The following HDAC9 variants were observed in gnomAD, a reference collection of about 807,000 sequenced individuals.
HDAC9 encodes histone deacetylase 9.
HDAC9 carries 41 observed loss-of-function variants against 139.4 expected under a neutral mutation model. The observed-to-expected ratio is 0.29, with a 90% CI of 0.23 to 0.38. HDAC9 has a LOEUF of 0.38. HDAC9 is among the 10% of genes least tolerant of loss of function. The pLI, the probability that HDAC9 is intolerant of heterozygous loss-of-function variation, is 1.00. For synonymous variants in HDAC9, 517 were observed against 476.2 expected (o/e 1.09, Z -1.12); for missense variants, 1,147 against 1,297.0 (o/e 0.88, Z 1.78).
At chr7:18,173,127 G>T (rs1788581958) in intron 2 of HDAC9, among the ~76,000 whole-genome samples, 1 of 152,140 alleles carries the variant, frequency 6.6e-6, no homozygotes, top group Admixed American at 6.5e-5. Flanking sequence ...TTATGAATCT[G>T]GGTGCTCCTC....
intron 2 of HDAC9, among the ~76,000 whole-genome samples, chr7:18,550,467 C>G (rs763628184): frequency 6.6e-6 from 1 of 152,144 alleles, no homozygotes; most frequent in African/African-American, 2.4e-5. Flanking sequence ...AAAATTGCTG[C>G]TCTTCTAAAG....
chr7:18,188,549 G>A (rs1385083590), intron 2 of HDAC9, among the ~76,000 whole-genome samples: 1 of 152,144 alleles, frequency 6.6e-6, no homozygotes, highest in Non-Finnish European at 1.5e-5. Context: ...AACTATCAGA[G>A]TGAACAGGCA....
chr7:18,109,828 T>G (rs913639925), intron 1 of HDAC9, among the ~76,000 whole-genome samples: 2 of 152,204 alleles, frequency 1.3e-5, no homozygotes, highest in African/African-American at 4.8e-5. Context: ...TAAGAAACTT[T>G]GCTTAAAATA....
intron 14 of HDAC9, among the ~76,000 whole-genome samples, chr7:18,751,622 C>G (rs3910833): frequency 0.11 from 16,352 of 151,680 alleles, 1,455 homozygotes; most frequent in East Asian, 0.25. Flanking sequence ...ACTTCTAAAA[C>G]TGCTAAAAAT....
At chr7:18,883,501 A>G (rs959639829) in intron 22 of HDAC9, among the ~76,000 whole-genome samples, 1 of 152,150 alleles carries the variant, frequency 6.6e-6, no homozygotes, top group Non-Finnish European at 1.5e-5. Context: ...TTTTATAATA[A>G]AAACTCCCAA....
chr7:18,554,955 T>A (rs2128679774), intron 2 of HDAC9, among the ~76,000 whole-genome samples: 1 of 152,344 alleles, frequency 6.6e-6, no homozygotes, highest in Non-Finnish European at 1.5e-5. Context: ...ACTACATCTT[T>A]CTTACCTAGT....
chr7:18,668,829 G>A (rs1795474475), intron 12 of HDAC9: 2 of 982,204 alleles, frequency 2.0e-6, no homozygotes, highest in Non-Finnish European at 2.4e-6. Flanking sequence ...CTCAAATAAA[G>A]TTTTTTTTAA....
chr7:18,169,650 C>T (rs1459825403), intron 2 of HDAC9, among the ~76,000 whole-genome samples: 1 of 152,062 alleles, frequency 6.6e-6, no homozygotes, highest in Non-Finnish European at 1.5e-5. Flanking sequence ...GTGATGTTCC[C>T]CGCCCTATGT....
In HDAC9 at chr7:18,609,303, G is replaced by A. The variant is rs974413253; in HGVS notation, c.664+15274G>A. Among the ~76,000 whole-genome samples the A allele has an allele frequency of 2.0e-5, 3 of 152,254 alleles. No homozygotes were observed. In the East Asian group the frequency reaches 5.8e-4, roughly 29 times the overall value. On this transcript the variant is annotated intron_variant, in intron 6 of 25. Transcript: ENST00000686413. ...GAAATGTGGCTAGTATGACTTAGGA[G>A]CTAAATTTTTGTTAACTAATGTATT...
At chr7:18,816,048 C>A (rs1794539595) in intron 17 of HDAC9, among the ~76,000 whole-genome samples, 1 of 152,166 alleles carries the variant, frequency 6.6e-6, no homozygotes, top group Non-Finnish European at 1.5e-5. Flanking sequence ...TATGGTAAAC[C>A]ATAGCAATAC....
At chr7:18,401,892 C>T (rs989852766) in intron 1 of HDAC9, among the ~76,000 whole-genome samples, 3 of 152,166 alleles carry the variant, frequency 2.0e-5, no homozygotes, top group Admixed American at 6.5e-5. Flanking sequence ...AAACACAATT[C>T]GAATATAACT....
rs1397999080 is a variant in HDAC9 at position 18,468,527 on chromosome 7, C to G, written c.-41-27735C>G. 2.0e-5 allele frequency among the ~76,000 whole-genome samples: 3 copies of G among 151,866 alleles called. No homozygotes were observed. The East Asian group carries it at 5.8e-4, about 29-fold the overall frequency. ...AAGTGTGATCATAGTGTAATACAGC[C>G]TTGAACTCCTGGGCTCAAGTGAATC... is the stretch of plus-strand genomic sequence containing the variant. On this transcript the variant is annotated intron_variant, in intron 1 of 3. Transcript: ENST00000413509.
intron 1 of HDAC9, among the ~76,000 whole-genome samples, chr7:18,318,107 G>A (rs1384912712): frequency 1.3e-5 from 2 of 152,150 alleles, no homozygotes; most frequent in Non-Finnish European, 2.9e-5. Flanking sequence ...TCAGAGCCTG[G>A]TTCATCCCAG....
chr7:18,335,789 G>T (rs544186223), intron 1 of HDAC9, among the ~76,000 whole-genome samples: 49 of 151,610 alleles, frequency 3.2e-4, no homozygotes, highest in African/African-American at 1.1e-3. Flanking sequence ...ACCTTCACTG[G>T]CTGTCAGCAG....
intron 2 of HDAC9, among the ~76,000 whole-genome samples, chr7:18,205,786 C>G (rs952525507): frequency 6.6e-6 from 1 of 152,020 alleles, no homozygotes; most frequent in Non-Finnish European, 1.5e-5. Flanking sequence ...GTTAAACATA[C>G]GCATCTTATG....
chr7:18,644,351 C>G (rs1247027120), intron 8 of HDAC9, among the ~76,000 whole-genome samples: 1 of 151,998 alleles, frequency 6.6e-6, no homozygotes, highest in East Asian at 1.9e-4. Flanking sequence ...AGTAGACATA[C>G]TAATCAGAAT....
chr7:18,259,806 A>G (rs983598998), intron 2 of HDAC9, among the ~76,000 whole-genome samples: 6 of 152,214 alleles, frequency 3.9e-5, no homozygotes, highest in African/African-American at 1.4e-4. Flanking sequence ...TTTATTGGGT[A>G]ATAAAAGAGT....
At chr7:18,723,832 T>C (rs977210765) in intron 12 of HDAC9, among the ~76,000 whole-genome samples, 6 of 152,218 alleles carry the variant, frequency 3.9e-5, no homozygotes, top group African/African-American at 1.4e-4. Context: ...GGCCATGTGA[T>C]AAAAAAAGAA....
At chr7:18,686,100 T>C (rs898286320) in intron 12 of HDAC9, among the ~76,000 whole-genome samples, 1 of 151,940 alleles carries the variant, frequency 6.6e-6, no homozygotes, top group African/African-American at 2.4e-5. Flanking sequence ...CTGATCCATA[T>C]CCAGAAAGGT....
Sources: allele counts gnomAD v4.1 joint callset (sites outside exome capture counted in the v4.1 genomes callset), GRCh38; gene constraint gnomAD v4.1.1; transcripts MANE v1.5; gene names NCBI Gene and HGNC (gene_info 2026-07-23, HGNC 2026-07-21).